Variants in ADK observed in about 807,000 individuals in gnomAD.
ADK encodes N6,N6-dimethyladenosine kinase.
Under a neutral mutation model 44.7 loss-of-function variants are expected in ADK, and 24 were observed. The observed-to-expected ratio is 0.54, with a 90% CI of 0.39 to 0.76. The LOEUF is 0.76. Ranked by LOEUF, ADK falls within the 30% of genes least tolerant of loss-of-function variation. The pLI is 0.00. For missense variants in ADK, 321 were observed against 425.1 expected (o/e 0.76, Z 2.15); for synonymous variants, 128 against 142.6 (o/e 0.90, Z 0.73).
At chr10:74,300,935 C>A (rs1840009990) in intron 3 of ADK, among the ~76,000 whole-genome samples, 1 of 152,162 alleles carries the variant, frequency 6.6e-6, no homozygotes, top group South Asian at 2.1e-4. Context: ...TTCTTTATTT[C>A]AAAATCCATC....
chr10:74,232,355 C>A (rs1175078771), intron 3 of ADK, among the ~76,000 whole-genome samples: 1 of 151,852 alleles, frequency 6.6e-6, no homozygotes, highest in Non-Finnish European at 1.5e-5. Context: ...CCTGTCTCTA[C>A]TAAAAGTATA....
chr10:74,198,338 A>C (rs529535222), intron 1 of ADK, among the ~76,000 whole-genome samples: 7 of 152,142 alleles, frequency 4.6e-5, no homozygotes, highest in Middle Eastern at 6.8e-3. Context: ...TCCCTCCTCC[A>C]CTCAGCTTTC....
intron 9 of ADK, among the ~76,000 whole-genome samples, chr10:74,610,240 A>G (rs1286456570): frequency 6.6e-6 from 1 of 152,220 alleles, no homozygotes; most frequent in African/African-American, 2.4e-5. Context: ...TCAGCTTTAA[A>G]AAAGAAGGAA....
chr10:74,664,402 T>C (rs1488168393), intron 9 of ADK, among the ~76,000 whole-genome samples: 2 of 152,112 alleles, frequency 1.3e-5, no homozygotes, highest in East Asian at 3.9e-4. Flanking sequence ...GATAACCAGA[T>C]TGGGAAGTAG....
At chr10:74,672,249 C>T (rs1007758541) in intron 10 of ADK, among the ~76,000 whole-genome samples, 5 of 151,970 alleles carry the variant, frequency 3.3e-5, no homozygotes, top group Non-Finnish European at 7.4e-5. Context: ...AAGTCATATA[C>T]AGGCTGTATT....
chr10:74,169,569 C>T (rs2132052205), intron 1 of ADK, among the ~76,000 whole-genome samples: 1 of 152,246 alleles, frequency 6.6e-6, no homozygotes, highest in Admixed American at 6.5e-5. Flanking sequence ...TCTTCAAATT[C>T]TCCAGGGAAA....
At chr10:74,306,528 A>T (rs1336640025) in intron 3 of ADK, among the ~76,000 whole-genome samples, 2 of 152,148 alleles carry the variant, frequency 1.3e-5, no homozygotes, top group Non-Finnish European at 2.9e-5. Flanking sequence ...TTTTAGTCAA[A>T]TTATTTTACC....
chr10:74,390,233 G>C (rs1843287962), intron 4 of ADK, among the ~76,000 whole-genome samples: 1 of 151,918 alleles, frequency 6.6e-6, no homozygotes, highest in Non-Finnish European at 1.5e-5. Flanking sequence ...ACTAATTGTA[G>C]AATAAAGTAT....
At chr10:74,218,077 C>CG (rs760087293) in intron 2 of ADK, among the ~76,000 whole-genome samples, 34 of 152,088 alleles carry the variant, frequency 2.2e-4, no homozygotes, top group Admixed American at 1.2e-3. Context: ...CTACGAGCTA[C>CG]GGGAGGAAAT....
At chr10:74,152,513 G>T (rs1325097275) in intron 1 of ADK, among the ~76,000 whole-genome samples, 1 of 152,140 alleles carries the variant, frequency 6.6e-6, no homozygotes, top group African/African-American at 2.4e-5. Flanking sequence ...CTTTATTAGA[G>T]TATTTCCTTA....
At position 74,238,688 on chromosome 10, in the gene ADK, G is replaced by A. The variant is rs147615566; in HGVS notation, c.194+14097G>A. ...AAGTTATGGTCTCATGGGAAATATTGTTTCTTTTTGCCTTGACATAATTTT... is the reference window on the plus strand; with the variant it reads ...AAGTTATGGTCTCATGGGAAATATTATTTCTTTTTGCCTTGACATAATTTT... On this transcript the variant is annotated intron_variant, in intron 3 of 10. Coordinates refer to ENST00000539909, the MANE Select transcript of ADK (RefSeq NM_006721.4). Among the ~76,000 whole-genome samples the A allele has an allele frequency of 2.2e-3, 332 of 152,100 alleles. 2 individuals are homozygous for A. Among genetic ancestry groups the A allele is most frequent in the African/African-American group, 7.6e-3 (314 of 41,500 alleles).
At chr10:74,406,755 A>T (rs1005832416) in intron 6 of ADK, among the ~76,000 whole-genome samples, 2 of 151,684 alleles carry the variant, frequency 1.3e-5, no homozygotes, top group African/African-American at 4.8e-5. Flanking sequence ...ATCTTGGCTC[A>T]CTGCAACCCC....
chr10:74,572,208 A>T (rs1033479831), intron 7 of ADK, among the ~76,000 whole-genome samples: 4 of 152,168 alleles, frequency 2.6e-5, no homozygotes, highest in Non-Finnish European at 5.9e-5. Context: ...GATGGTGACA[A>T]AATCTCTCAG....
At chr10:74,493,525 T>G (rs1847570089) in intron 6 of ADK, among the ~76,000 whole-genome samples, 1 of 151,278 alleles carries the variant, frequency 6.6e-6, no homozygotes, top group African/African-American at 2.4e-5. Context: ...GATATAGATA[T>G]AGATATAGAT....
chr10:74,214,479 T>C (rs917669909), intron 2 of ADK, among the ~76,000 whole-genome samples: 1 of 152,230 alleles, frequency 6.6e-6, no homozygotes, highest in Non-Finnish European at 1.5e-5. Flanking sequence ...GAAGGCAATT[T>C]TAGTTCCAAG....
chr10:74,239,715 C>CAA (rs61022417), intron 3 of ADK, among the ~76,000 whole-genome samples: 4 of 85,036 alleles, frequency 4.7e-5, no homozygotes, highest in South Asian at 4.4e-4. Context: ...GACCTTGTCT[C>CAA]AAAAAAAAAA....
intron 1 of ADK, among the ~76,000 whole-genome samples, chr10:74,160,886 C>T (rs747290049): frequency 3.3e-5 from 5 of 152,052 alleles, no homozygotes; most frequent in Non-Finnish European, 7.4e-5. Context: ...AGAGAAAAAT[C>T]CATTTTAGCA....
chr10:74,344,968 A>G (rs1156338398), intron 4 of ADK, among the ~76,000 whole-genome samples: 2 of 152,264 alleles, frequency 1.3e-5, no homozygotes, highest in East Asian at 3.8e-4. Flanking sequence ...CTGGAGGCCT[A>G]CACTGCCAGT....
intron 9 of ADK, among the ~76,000 whole-genome samples, chr10:74,665,779 G>GAGAGAGAC (rs1449559030): frequency 5.0e-5 from 7 of 138,918 alleles, no homozygotes; most frequent in African/African-American, 1.7e-4. Context: ...GAGAGAGAGA[G>GAGAGAGAC]AGACAGACAG....
Sources: allele counts gnomAD v4.1 joint callset (sites outside exome capture counted in the v4.1 genomes callset), GRCh38; gene constraint gnomAD v4.1.1; transcripts MANE v1.5; gene names NCBI Gene and HGNC (gene_info 2026-07-23, HGNC 2026-07-21).